The following KHDRBS2 variants were observed in gnomAD, a reference collection of about 807,000 sequenced individuals.
KHDRBS2 encodes KH domain-containing, RNA-binding, signal transduction-associated protein 2.
Under a neutral mutation model 44.3 loss-of-function variants are expected in KHDRBS2, and 26 were observed. The observed-to-expected ratio is 0.59, with a 90% CI of 0.43 to 0.81. The LOEUF is 0.81. Among genes scored for constraint, KHDRBS2 ranks in the 40% least tolerant of loss-of-function variants. The pLI, the probability that KHDRBS2 is intolerant of heterozygous loss-of-function variation, is 0.00. For synonymous variants in KHDRBS2, 194 were observed against 151.1 expected (o/e 1.28, Z -2.08); for missense variants, 476 against 433.1 (o/e 1.10, Z -0.88).
intron 3 of KHDRBS2, among the ~76,000 whole-genome samples, chr6:61,989,888 T>C (rs753061179): frequency 6.6e-6 from 1 of 152,060 alleles, no homozygotes; most frequent in Non-Finnish European, 1.5e-5. Context: ...AGGGAAGAAA[T>C]CTGCTTTCCA....
chr6:61,890,477 A>G (rs1231420581), intron 6 of KHDRBS2, among the ~76,000 whole-genome samples: 1 of 152,212 alleles, frequency 6.6e-6, no homozygotes, highest in South Asian at 2.1e-4. Context: ...TTGTTTTGCC[A>G]GTCTTCTCTT....
intron 2 of KHDRBS2, among the ~76,000 whole-genome samples, chr6:62,085,474 A>G (rs1798213076): frequency 2.0e-5 from 3 of 152,118 alleles, no homozygotes; most frequent in African/African-American, 7.2e-5. Flanking sequence ...GAGTTTCAGA[A>G]AAAAAAGGAA....
chr6:61,605,509 C>A, the KHDRBS2 span, among the ~76,000 whole-genome samples: 4 of 152,266 alleles, frequency 2.6e-5, no homozygotes, highest in Middle Eastern at 3.4e-3. Context: ...ATTCTTAGTC[C>A]TTTAATACAT....
At chr6:61,622,542 A>T in the KHDRBS2 span, among the ~76,000 whole-genome samples, 1 of 152,190 alleles carries the variant, frequency 6.6e-6, no homozygotes, top group Non-Finnish European at 1.5e-5. Context: ...AGATGTCTTC[A>T]TTGACTGGGG....
intron 3 of KHDRBS2, among the ~76,000 whole-genome samples, chr6:62,003,215 G>A (rs888964587): frequency 5.9e-5 from 9 of 152,014 alleles, no homozygotes; most frequent in Non-Finnish European, 1.3e-4. Flanking sequence ...GGAGGTCAAG[G>A]CTGCAGTGAG....
intron 2 of KHDRBS2, among the ~76,000 whole-genome samples, chr6:62,072,292 G>A (rs1003972459): frequency 5.4e-4 from 82 of 152,106 alleles, no homozygotes; most frequent in Non-Finnish European, 1.2e-3. Flanking sequence ...TGCAAACAGG[G>A]ACAATTTGAC....
chr6:61,825,048 C>G (rs71568776), intron 6 of KHDRBS2, among the ~76,000 whole-genome samples: 68 of 152,104 alleles, frequency 4.5e-4, no homozygotes, highest in Non-Finnish European at 8.7e-4. Flanking sequence ...AGATACAGAC[C>G]TTTTTATCAC....
At chr6:62,179,971 A>G (rs1263804690) in intron 1 of KHDRBS2, among the ~76,000 whole-genome samples, 1 of 151,842 alleles carries the variant, frequency 6.6e-6, no homozygotes, top group Non-Finnish European at 1.5e-5. Context: ...TAGTAACAAA[A>G]TGGTATATGC....
chr6:62,172,300 A>G (rs116704398), intron 2 of KHDRBS2, among the ~76,000 whole-genome samples: 41 of 152,308 alleles, frequency 2.7e-4, no homozygotes, highest in African/African-American at 9.4e-4. Context: ...ATTTCAGACA[A>G]ACAAACTTTA....
At chr6:61,967,079 CT>C (rs1770141635) in intron 4 of KHDRBS2, among the ~76,000 whole-genome samples, 3 of 150,688 alleles carry the variant, frequency 2.0e-5, no homozygotes, top group Admixed American at 1.3e-4. Context: ...TGGTAGTTTC[CT>C]TTATAATTTT....
chr6:62,205,832 C>A (rs1827863655), intron 1 of KHDRBS2, among the ~76,000 whole-genome samples: 1 of 152,024 alleles, frequency 6.6e-6, no homozygotes, highest in Admixed American at 6.6e-5. Flanking sequence ...TTACTGAATA[C>A]TTTGTGATTA....
At chr6:61,578,655 T>C in the KHDRBS2 span, among the ~76,000 whole-genome samples, 1 of 144,916 alleles carries the variant, frequency 6.9e-6, no homozygotes, top group Non-Finnish European at 1.6e-5. Context: ...GTTCGTGTCA[T>C]AGTCATAGTG....
chr6:62,235,914 C>T (rs1833628756), intron 1 of KHDRBS2, among the ~76,000 whole-genome samples: 1 of 152,028 alleles, frequency 6.6e-6, no homozygotes, highest in Admixed American at 6.5e-5. Flanking sequence ...GCATTATAAT[C>T]TCAGGTAAAT....
chr6:62,058,435 G>A (rs1790812172), intron 2 of KHDRBS2, among the ~76,000 whole-genome samples: 1 of 151,854 alleles, frequency 6.6e-6, no homozygotes, highest in Non-Finnish European at 1.5e-5. Context: ...TAATCAGTGG[G>A]AATTCACACA....
At chr6:62,141,898 C>T (rs1309714955) in intron 2 of KHDRBS2, among the ~76,000 whole-genome samples, 2 of 152,012 alleles carry the variant, frequency 1.3e-5, no homozygotes, top group Non-Finnish European at 2.9e-5. Flanking sequence ...GTGTGATTTT[C>T]CTGGGCTTAA....
intron 6 of KHDRBS2, among the ~76,000 whole-genome samples, chr6:61,770,868 C>G (rs997041761): frequency 6.6e-6 from 1 of 152,054 alleles, no homozygotes; most frequent in Non-Finnish European, 1.5e-5. Flanking sequence ...AAGAGCAACT[C>G]CAAGACACAT....
the KHDRBS2 span, among the ~76,000 whole-genome samples, chr6:61,623,968 A>G: frequency 6.6e-6 from 1 of 152,328 alleles, no homozygotes; most frequent in East Asian, 1.9e-4. Context: ...GGAGAGGAAG[A>G]GTGTCATGAG....
At chr6:61,576,624 T>C in the KHDRBS2 span, among the ~76,000 whole-genome samples, 34 of 152,286 alleles carry the variant, frequency 2.2e-4, no homozygotes, top group East Asian at 6.4e-3. Context: ...ACACATTTAT[T>C]CAAAATTTTG....
chr6:61,928,356 T>A lies in KHDRBS2; in HGVS notation c.484-26985A>T, dbSNP rs758278991. On this transcript the variant is annotated intron_variant, in intron 4 of 8. Transcript: ENST00000281156. ...GGAAATAATTCCTTATTCCTTCTTC[T>A]TATTTACAACTTTCCAATCCTCAGA... Among the ~76,000 whole-genome samples, 5 of 152,126 alleles carry A rather than the reference T, an allele frequency of 3.3e-5. No homozygotes were observed. The South Asian group carries it at 1.0e-3, about 31-fold the overall frequency.
Sources: gnomAD v4.1 joint callset for allele counts (sites outside exome capture counted in the v4.1 genomes callset) on GRCh38, gnomAD v4.1.1 for gene constraint, MANE v1.5 for transcripts, NCBI Gene and HGNC (gene_info 2026-07-23, HGNC 2026-07-21) for gene names.